MSL1: variants seen among roughly 807,000 people sequenced by gnomAD.
MSL1 encodes the protein male-specific lethal 1 homolog.
MSL1 carries 21 observed loss-of-function variants against 64.6 expected under a neutral mutation model. The ratio of observed to expected loss-of-function variants is 0.33; its 90% confidence interval spans 0.23 to 0.47. MSL1 has a LOEUF of 0.47. Ranked by LOEUF, MSL1 falls within the 20% of genes least tolerant of loss-of-function variation. The probability of loss-of-function intolerance (pLI) is 1.00; values close to 1 mark genes in which losing one functional copy is unlikely to be tolerated. For missense variants in MSL1, 664 were observed against 793.2 expected, an observed-to-expected ratio of 0.84 and a Z score of 1.96; for synonymous variants, 339 against 329.6, an observed-to-expected ratio of 1.03 and a Z score of -0.31.
In MSL1 at chr17:40,122,885, G is replaced by C; in HGVS notation, c.273G>C (p.Gln91His). The C allele has an allele frequency of 7.1e-7, 1 of 1,416,128 alleles. No homozygotes were observed. Among genetic ancestry groups the C allele is most frequent in the Non-Finnish European group, 9.1e-7 (1 of 1,094,270 alleles). The allele number at this position is 1,416,128 out of a possible 1,614,324, so 87.7% of individuals were successfully genotyped here. ...LLLPAGAAPGQQEESWGGSVP... is the reference protein window; with the variant it reads ...LLLPAGAAPGHQEESWGGSVP... ...TCCCGGCCGGGGCGGCCCCCGGGCA[G>C]CAGGAAGAGAGCTGGGGCGGTTCGG... is the stretch of plus-strand genomic sequence containing the variant. Residue 91 changes from glutamine to histidine, a missense_variant, in exon 1 of 9, where the codon CAG becomes CAC. By Grantham distance (24) the Gln-to-His change is conservative. Coordinates refer to ENST00000398532, the MANE Select transcript of MSL1 (RefSeq NM_001365919.1). This position sits in a 1 kb window ranked among gnomAD's most constrained non-coding sequence, Gnocchi z 4.2.
chr17:40,131,923 C>CT lies in MSL1; in HGVS notation c.1424-108dup. 1.3e-6 allele frequency: 1 copy of CT among 765,810 alleles called. No homozygotes were observed. The highest frequency in any genetic ancestry group is 1.6e-5 in the South Asian group (1 of 61,778). 47.4% of individuals were successfully genotyped at this position (765,810 alleles called of 1,614,324 possible). On this transcript the variant is annotated intron_variant, in intron 4 of 8. Transcript: ENST00000398532. The surrounding 1 kb of genome is among the most constrained non-coding windows in gnomAD (Gnocchi z 4.5). ...AGAATGGATTCCTATCACTTGGTAACTTTGTCTCTTCTGGGGAGAGACCTC... is the reference window on the plus strand; with the variant it reads ...AGAATGGATTCCTATCACTTGGTAACTTTTGTCTCTTCTGGGGAGAGACCTC...
intron 2 of MSL1, among the ~76,000 whole-genome samples, chr17:40,128,373 T>C (rs1988367981): frequency 7.0e-6 from 1 of 143,546 alleles, no homozygotes; most frequent in African/African-American, 2.6e-5. Flanking sequence ...AATATTCTTT[T>C]TTTTTTTTTT....
At chr17:40,130,387 T>C (rs779009117) in intron 3 of MSL1, 1 of 152,154 alleles carries the variant, frequency 6.6e-6, no homozygotes, top group Non-Finnish European at 1.5e-5. Flanking sequence ...CTTTTTTTTT[T>C]CTTTATGGCT....
At chr17:40,125,637 CCT>C (rs1988296419) in intron 1 of MSL1, among the ~76,000 whole-genome samples, 1 of 152,112 alleles carries the variant, frequency 6.6e-6, no homozygotes, top group South Asian at 2.1e-4. Context: ...ATGGTGAAAC[CCT>C]GTCTCTACTA....
In MSL1 at chr17:40,131,923, C is replaced by T; in HGVS notation, c.1424-111C>T. The T allele has an allele frequency of 1.3e-6, 1 of 765,810 alleles. No individual in the cohort carries two copies. Among genetic ancestry groups the T allele is most frequent in the Non-Finnish European group, 2.2e-6 (1 of 463,868 alleles). 47.4% of individuals were successfully genotyped at this position (765,810 alleles called of 1,614,324 possible). On this transcript the variant is annotated intron_variant, in intron 4 of 8. Transcript: ENST00000398532. The surrounding 1 kb of genome is among the most constrained non-coding windows in gnomAD (Gnocchi z 4.5). ...AGAATGGATTCCTATCACTTGGTAA[C>T]TTTGTCTCTTCTGGGGAGAGACCTC... is the stretch of plus-strand genomic sequence containing the variant.
rs975753477 is a variant in MSL1 at position 40,123,012 on chromosome 17, G to A, written c.400G>A (p.Val134Met). 3.3e-5 allele frequency: 50 copies of A among 1,532,180 alleles called. No homozygotes were observed. The highest frequency in any genetic ancestry group is 4.0e-5 in the Non-Finnish European group (46 of 1,145,512). 94.9% of individuals were successfully genotyped at this position (1,532,180 alleles called of 1,614,324 possible). A position where few individuals can be genotyped will look rare whatever the true frequency, so the allele number is the denominator to read the frequency against. Residue 134 changes from valine (V) to methionine (M), a missense_variant, in exon 1 of 9, where the codon GTG becomes ATG. Val to Met is a conservative substitution (Grantham distance 21). This residue lies in a region of MSL1 where 466 missense variants were observed against 499.0 expected (regional missense o/e 0.93). Transcript: ENST00000398532. ...CAGCCCCCGGCCCAAGTATCAGGCG[G>A]TGCTGCCCATTCAGACGGGCTCTCT... ...GCSPRPKYQAVLPIQTGSLVA... is the reference protein window; with the variant it reads ...GCSPRPKYQAMLPIQTGSLVA...
intron 2 of MSL1, among the ~76,000 whole-genome samples, chr17:40,127,568 ACCT>A (rs1988349158): frequency 6.6e-6 from 1 of 151,964 alleles, no homozygotes; most frequent in Non-Finnish European, 1.5e-5. Context: ...TTCATCTTCC[ACCT>A]CTTGGACTCA....
chr17:40,123,500 C>A, intron 1 of MSL1, 120 bp downstream of exon 1: 2 of 899,298 alleles, frequency 2.2e-6, no homozygotes, highest in Non-Finnish European at 3.4e-6. Context: ...TGGCCACCGG[C>A]AAAGGAGTAT....
chr17:40,126,493 A>T (rs1411727656), intron 2 of MSL1, 87 bp downstream of exon 2: 6 of 1,255,468 alleles, frequency 4.8e-6, no homozygotes, highest in Non-Finnish European at 6.8e-6. Context: ...TTTTATAGCA[A>T]TCATAACTTG....
At position 40,122,640 on chromosome 17, in the gene MSL1, G is replaced by A; in HGVS notation, c.28G>A (p.Ala10Thr). Residue 10 changes from alanine to threonine, a missense_variant, in exon 1 of 9, where the codon GCG becomes ACG. Physicochemically the swap from Ala to Thr is moderately conservative, Grantham distance 58. This residue lies in a region of MSL1 where 466 missense variants were observed against 499.0 expected (regional missense o/e 0.93). Transcript: ENST00000398532. This position sits in a 1 kb window ranked among gnomAD's most constrained non-coding sequence, Gnocchi z 4.2. ...GACCATGAGATCCGCGGTGTTCAAG[G>A]CGGCCGCGGCCCCTGCCGGCGGCAA... MTMRSAVFK[A>T]AAAPAGGNPE... 6.7e-7 allele frequency: 1 copy of A among 1,489,902 alleles called. No homozygotes were observed. Among genetic ancestry groups the A allele is most frequent in the Non-Finnish European group, 8.9e-7 (1 of 1,127,214 alleles). The allele number at this position is 1,489,902 out of a possible 1,614,324, so 92.3% of individuals were successfully genotyped here.
At position 40,133,621 on chromosome 17, in the gene MSL1, G is replaced by A; in HGVS notation, c.1644G>A (p.Glu548=). The A allele has an allele frequency of 1.2e-6, 2 of 1,613,634 alleles. No homozygotes were observed. The highest frequency in any genetic ancestry group is 3.3e-5 in the Admixed American group (2 of 59,942). ...AAAAGAAAGGAATTCAGGAATCTGA[G>A]CCTGAGGTTACCTCATTTTTCCCTG... ...MYKKKGIQES[E]PEVTSFFPEP... is the part of the protein sequence containing the mutation. Residue 548 remains glutamate, a synonymous_variant, in exon 7 of 9, where the codon GAG becomes GAA. Transcript: ENST00000398532.
chr17:40,124,049 CT>C (rs1428433048), intron 1 of MSL1, among the ~76,000 whole-genome samples: 39 of 152,178 alleles, frequency 2.6e-4, no homozygotes, highest in Admixed American at 5.9e-4. Flanking sequence ...GGAAAGTAAG[CT>C]TATTAAATGT....
chr17:40,135,422 G>C lies in MSL1; in HGVS notation c.*1053G>C, dbSNP rs1276396912. 4 of 152,190 alleles carry C rather than the reference G, an allele frequency of 2.6e-5. No homozygotes were observed. The allele number at this position is 152,190 out of a possible 1,614,324, so 9.4% of individuals were successfully genotyped here. On this transcript the variant is annotated 3_prime_UTR_variant, in exon 9 of 9. Coordinates refer to ENST00000398532, the MANE Select transcript of MSL1 (RefSeq NM_001365919.1). ...CAGGATAGCACTCCCAGGCCACTTT[G>C]GTCTCAGTGTAAGATCCCTATTAAC...
At position 40,129,609 on chromosome 17, in the gene MSL1, A is replaced by G. The variant is rs763908972; in HGVS notation, c.1357A>G (p.Lys453Glu). Residue 453 changes from lysine (K) to glutamate (E), a missense_variant, in exon 3 of 9, where the codon AAG becomes GAG. By Grantham distance (56) the Lys-to-Glu change is moderately conservative. This residue lies in a region of MSL1 where 119 missense variants were observed against 164.3 expected (regional missense o/e 0.72). Transcript: ENST00000398532. Reference protein sequence around the residue: ...PLPLRESSPKKEETVARCLMP... With the variant: ...PLPLRESSPKEEETVARCLMP... ...ACCATTACGGGAATCCTCTCCAAAG[A>G]AGGAGGAGACTGTAGCAAGTAAGGC... is the stretch of plus-strand genomic sequence containing the variant. The G allele has an allele frequency of 4.1e-5, 66 of 1,608,056 alleles. No homozygotes were observed. Among genetic ancestry groups the G allele is most frequent in the African/African-American group, 1.2e-4 (9 of 74,712 alleles).
Position 40,131,332 on chromosome 17 carries a change from A to T in MSL1, c.1376-205A>T. On this transcript the variant is annotated intron_variant, in intron 3 of 8. Transcript: ENST00000398532. This position sits in a 1 kb window ranked among gnomAD's most constrained non-coding sequence, Gnocchi z 4.5. Reference sequence around the variant, plus strand: ...TGAAGAAAAGAAGTCGTCTCAGTGTAAAAAAAAAAAGTGGTGGGCTTATTT... The same window carrying T: ...TGAAGAAAAGAAGTCGTCTCAGTGTTAAAAAAAAAAGTGGTGGGCTTATTT... 1 of 213,530 alleles carries T rather than the reference A, an allele frequency of 4.7e-6. No individual in the cohort carries two copies. The highest frequency in any genetic ancestry group is 9.4e-6 in the Non-Finnish European group (1 of 106,888). 13.2% of individuals were successfully genotyped at this position (213,530 alleles called of 1,614,324 possible).
chr17:40,127,466 C>T (rs1462469194), intron 2 of MSL1, among the ~76,000 whole-genome samples: 3 of 151,782 alleles, frequency 2.0e-5, no homozygotes, highest in African/African-American at 7.3e-5. Flanking sequence ...AGATGTACAA[C>T]ACCTGATATA....
intron 2 of MSL1, 74 bp downstream of exon 2, chr17:40,126,480 T>C (rs773784345): frequency 2.5e-5 from 34 of 1,376,482 alleles, no homozygotes; most frequent in Non-Finnish European, 3.2e-5. Flanking sequence ...ATTTATGAAT[T>C]GGTTTTATAG....
chr17:40,127,339 GAAAA>G (rs66944924), intron 2 of MSL1, among the ~76,000 whole-genome samples: 2 of 97,630 alleles, frequency 2.0e-5, no homozygotes, highest in Non-Finnish European at 2.2e-5. Context: ...TGTCTCAATT[GAAAA>G]AAAAAAAAAA....
In MSL1 at chr17:40,129,605, AAAG is replaced by A. The variant is rs763487581; in HGVS notation, c.1357_1359del (p.Lys453del). On this transcript the variant is annotated inframe_deletion, in exon 3 of 9. Transcript: ENST00000398532. ...CGTTACCATTACGGGAATCCTCTCC[AAAG>A]AAGGAGGAGACTGTAGCAAGTAAGG... The A allele has an allele frequency of 7.5e-6, 12 of 1,609,146 alleles. No individual in the cohort carries two copies. Among genetic ancestry groups the A allele is most frequent in the East Asian group, 2.2e-5 (1 of 44,870 alleles).
Sources: gnomAD v4.1 joint callset for allele counts (sites outside exome capture counted in the v4.1 genomes callset) on GRCh38, gnomAD v4.1.1 for gene constraint, gnomAD v4.1.1 regional missense constraint, Gnocchi (gnomAD v3.1) non-coding constraint, MANE v1.5 for transcripts, NCBI Gene and HGNC (gene_info 2026-07-23, HGNC 2026-07-21) for gene names.